GSPT1: variants seen among roughly 807,000 people sequenced by gnomAD.
GSPT1 encodes G1 to S phase transition 1, also known as eukaryotic peptide chain release factor GTP-binding subunit ERF3A.
Under a neutral mutation model 72.5 loss-of-function variants are expected in GSPT1, and 20 were observed. The ratio of observed to expected loss-of-function variants is 0.28; its 90% confidence interval spans 0.19 to 0.40. The LOEUF is 0.40. Among genes scored for constraint, GSPT1 ranks in the 10% least tolerant of loss-of-function variants. The pLI is 1.00. For synonymous variants in GSPT1, 334 were observed against 293.5 expected (o/e 1.14, Z -1.41); for missense variants, 580 against 811.9 (o/e 0.71, Z 3.47).
chr16:11,915,318 A>C (rs1215761191), intron 1 of GSPT1, 51 bp downstream of exon 1: 14 of 1,417,332 alleles, frequency 9.9e-6, no homozygotes, highest in Non-Finnish European at 1.3e-5. Flanking sequence ...CCCCTACGCC[A>C]TGTGGGCTCC....
chr16:11,891,281 A>AAT (rs1319810221), intron 5 of GSPT1, 142 bp from the exon 6 acceptor site: 5 of 262,110 alleles, frequency 1.9e-5, no homozygotes, highest in South Asian at 1.6e-4. Flanking sequence ...AAAAATATAA[A>AAT]ATATATATAT....
In GSPT1 at chr16:11,875,808, G is replaced by A. The variant is rs746948412; in HGVS notation, c.1814C>T (p.Thr605Ile). The change falls in exon 14 of 15, where the codon ACC (threonine) becomes ATC (isoleucine). Residue 605 changes from threonine (T) to isoleucine (I), a missense_variant. Thr to Ile is a moderately conservative substitution (Grantham distance 89, BLOSUM62 -1). Transcript: ENST00000434724. ...LRTAGTICLE[T>I]FKDFPQMGRF... ...ACCCATCTGAGGGAAGTCTTTAAAG[G>A]TCTCAAGGCAGATGGTTCCTGCTGT... 2 of 1,613,524 alleles carry A rather than the reference G, an allele frequency of 1.2e-6. No individual in the cohort carries two copies.
intron 1 of GSPT1, among the ~76,000 whole-genome samples, chr16:11,912,343 G>A (rs1305790665): frequency 5.0e-5 from 4 of 80,220 alleles, no homozygotes; most frequent in East Asian, 3.6e-4. Flanking sequence ...GCAAGACTCC[G>A]TCTCAAAAAA....
At chr16:11,901,263 C>G (rs1198290624) in intron 1 of GSPT1, among the ~76,000 whole-genome samples, 1 of 152,180 alleles carries the variant, frequency 6.6e-6, no homozygotes, top group Non-Finnish European at 1.5e-5. Context: ...CACATAACAT[C>G]CAGATTTTAC....
At position 11,877,421 on chromosome 16, in the gene GSPT1, T is replaced by C; in HGVS notation, c.1588A>G (p.Thr530Ala). 6.3e-7 allele frequency: 1 copy of C among 1,584,210 alleles called. No homozygotes were observed. The highest frequency in any genetic ancestry group is 8.6e-7 in the Non-Finnish European group (1 of 1,167,974). Residue 530 changes from threonine to alanine, a missense_variant, in exon 12 of 15, where the codon ACA becomes GCA. By Grantham distance (58) the Thr-to-Ala change is moderately conservative. Transcript: ENST00000434724. The surrounding 1 kb of genome is among the most constrained non-coding windows in gnomAD (Gnocchi z 4.0). ...AATTTGTTTACCTGGGCATCAAATGTGCGTCCAGAATGACAAAGATTATTA... is the reference window on the plus strand; with the variant it reads ...AATTTGTTTACCTGGGCATCAAATGCGCGTCCAGAATGACAAAGATTATTA... ...DPNNLCHSGRTFDAQIVIIEH... is the reference protein window; with the variant it reads ...DPNNLCHSGRAFDAQIVIIEH...
rs2053976256 is a variant in GSPT1 at position 11,871,313 on chromosome 16, T to TA, written c.*1805_*1806insT. The TA allele has an allele frequency of 6.6e-6, 1 of 152,206 alleles. No homozygotes were observed. Among genetic ancestry groups the TA allele is most frequent in the Non-Finnish European group, 1.5e-5 (1 of 68,038 alleles). The allele number at this position is 152,206 out of a possible 1,614,324, so 9.4% of individuals were successfully genotyped here. Reference sequence around the variant, plus strand: ...CAAGTGCGGCGCCTCATGCCTGTAATCCCAGCACTTTTGAGAGGCTGAGGC... The same window carrying TA: ...CAAGTGCGGCGCCTCATGCCTGTAATACCCAGCACTTTTGAGAGGCTGAGGC... On this transcript the variant is annotated 3_prime_UTR_variant, in exon 15 of 15. Transcript: ENST00000434724.
At chr16:11,909,274 G>C (rs1254157794) in intron 1 of GSPT1, among the ~76,000 whole-genome samples, 5 of 152,088 alleles carry the variant, frequency 3.3e-5, no homozygotes, top group Admixed American at 2.0e-4. Context: ...GGTTTCCTTA[G>C]AACAAAGCCA....
chr16:11,886,947 G>GAAAC lies in GSPT1; in HGVS notation c.958-20_958-17dup, dbSNP rs1352436319. 1 of 1,609,050 alleles carries GAAAC rather than the reference G, an allele frequency of 6.2e-7. No individual in the cohort carries two copies. Among genetic ancestry groups the GAAAC allele is most frequent in the Admixed American group, 1.7e-5 (1 of 59,704 alleles). Reference sequence around the variant, plus strand: ...CTGAGATTACCTAATTCCAAGAAAGGAAACAGTTTACTCCTTCGCCTTCAG... The same window carrying GAAAC: ...CTGAGATTACCTAATTCCAAGAAAGGAAACAAACAGTTTACTCCTTCGCCTTCAG... On this transcript the variant is annotated splice_polypyrimidine_tract_variant and intron_variant, in intron 7 of 14. Transcript: ENST00000434724.
intron 5 of GSPT1, among the ~76,000 whole-genome samples, chr16:11,891,491 A>G (rs1035985840): frequency 4.0e-5 from 6 of 151,026 alleles, no homozygotes; most frequent in African/African-American, 1.5e-4. Flanking sequence ...CCTCCTGAGT[A>G]GCTGGGATTA....
chr16:11,904,020 C>T, intron 1 of GSPT1: 1 of 222,188 alleles, frequency 4.5e-6, no homozygotes, highest in East Asian at 1.1e-4. Flanking sequence ...TTCACCCACA[C>T]CAAACTCATA....
intron 11 of GSPT1, among the ~76,000 whole-genome samples, chr16:11,880,776 CTTGTAGGAGTTCTTCATATA>C (rs544546606): frequency 1.4e-3 from 212 of 152,310 alleles, no homozygotes; most frequent in South Asian, 4.3e-3. Flanking sequence ...TTTCTGTTGA[CTTGTAGGAGTTCTTCATATA>C]TTCTAGATAT....
chr16:11,897,774 C>T (rs971852119), intron 3 of GSPT1, 66 bp downstream of exon 3: 29 of 785,614 alleles, frequency 3.7e-5, no homozygotes, highest in Non-Finnish European at 5.8e-5. Context: ...TTACATAATG[C>T]ACCTTAAATC....
chr16:11,913,588 C>T (rs1395883706), intron 1 of GSPT1, among the ~76,000 whole-genome samples: 1 of 152,204 alleles, frequency 6.6e-6, no homozygotes, highest in African/African-American at 2.4e-5. Context: ...GGATGACTCG[C>T]TGGACAGGCT....
At chr16:11,901,883 G>T (rs1464944250) in intron 1 of GSPT1, among the ~76,000 whole-genome samples, 6 of 151,584 alleles carry the variant, frequency 4.0e-5, no homozygotes, top group African/African-American at 1.5e-4. Flanking sequence ...ATCACCTGAG[G>T]TCAGGAGTTT....
At chr16:11,894,823 A>C in intron 5 of GSPT1, 131 bp downstream of exon 5, 1 of 598,446 alleles carries the variant, frequency 1.7e-6, no homozygotes, top group Non-Finnish European at 3.1e-6. Context: ...ATTGTGTCCC[A>C]GTAATTTTAT....
Position 11,870,892 on chromosome 16 carries a change from A to G in GSPT1, c.*2227T>C, listed in dbSNP as rs1203119618. 1 of 152,234 alleles carries G rather than the reference A, an allele frequency of 6.6e-6. No individual in the cohort carries two copies. Among genetic ancestry groups the G allele is most frequent in the Non-Finnish European group, 1.5e-5 (1 of 68,034 alleles). 9.4% of individuals were successfully genotyped at this position (152,234 alleles called of 1,614,324 possible). On this transcript the variant is annotated 3_prime_UTR_variant, in exon 15 of 15. Coordinates refer to ENST00000434724, the MANE Select transcript of GSPT1 (RefSeq NM_002094.4). ...CAAGTTACTTAAGAGTCTTGGCAAC[A>G]TGCACATAATAGTCTAACAGTGTAA...
Position 11,877,690 on chromosome 16 carries a change from A to C in GSPT1, c.1429-110T>G, listed in dbSNP as rs2054065564. ...ATAAAGAGTTGCAAGATTTGACTGT[A>C]AACACTTATGTTTGTATGACATAAA... On this transcript the variant is annotated intron_variant, in intron 11 of 14. Transcript: ENST00000434724. The surrounding 1 kb of genome is among the most constrained non-coding windows in gnomAD (Gnocchi z 4.0). 1.1e-5 allele frequency: 7 copies of C among 654,124 alleles called. No homozygotes were observed. In the East Asian group the frequency reaches 2.0e-4, roughly 19 times the overall value. 40.5% of individuals were successfully genotyped at this position (654,124 alleles called of 1,614,324 possible).
At chr16:11,889,958 CTTTTTTCT>C (rs1300279524) in intron 6 of GSPT1, among the ~76,000 whole-genome samples, 57 of 147,308 alleles carry the variant, frequency 3.9e-4, no homozygotes, top group Admixed American at 1.8e-3. Flanking sequence ...AGTTGTTTTC[CTTTTTTCT>C]TTTTTTTTTT....
At position 11,882,867 on chromosome 16, in the gene GSPT1, GTGGCAGGAT is replaced by G. The variant is rs1490767244; in HGVS notation, c.1428+139_1428+147del. 8 of 584,560 alleles carry G rather than the reference GTGGCAGGAT, an allele frequency of 1.4e-5. No homozygotes were observed. In the East Asian group the frequency reaches 2.2e-4, roughly 16 times the overall value. 36.2% of individuals were successfully genotyped at this position (584,560 alleles called of 1,614,324 possible). A position where few individuals can be genotyped will look rare whatever the true frequency, so the allele number is the denominator to read the frequency against. On this transcript the variant is annotated intron_variant, in intron 11 of 14. Transcript: ENST00000434724. ...AGTCCCAGCTACTTGGGAGGCTCAG[GTGGCAGGAT>G]TGCTTGAAAGTTTGAGGCTGCAATA...
Sources: gnomAD v4.1 joint callset for allele counts (sites outside exome capture counted in the v4.1 genomes callset) on GRCh38, gnomAD v4.1.1 for gene constraint, Gnocchi (gnomAD v3.1) non-coding constraint, MANE v1.5 for transcripts, NCBI Gene and HGNC (gene_info 2026-07-23, HGNC 2026-07-21) for gene names.